Variants in KIF13A observed in about 807,000 individuals in gnomAD.
The protein encoded by KIF13A is kinesin-like protein KIF13A.
Under a neutral mutation model 212.2 loss-of-function variants are expected in KIF13A, and 79 were observed. The ratio of observed to expected loss-of-function variants is 0.37; its 90% CI spans 0.31 to 0.45. The LOEUF (loss-of-function observed/expected upper bound fraction) is 0.45, where lower values mean the gene tolerates loss of function less well. KIF13A is among the 20% of genes least tolerant of loss of function. KIF13A has a pLI of 1.00. For missense variants in KIF13A, 1,901 were observed against 2,209.0 expected (o/e 0.86, Z 2.79); for synonymous variants, 789 against 808.6 (o/e 0.98, Z 0.41).
intron 2 of KIF13A, among the ~76,000 whole-genome samples, chr6:17,948,899 A>G (rs898156844): frequency 6.6e-6 from 1 of 152,104 alleles, no homozygotes; most frequent in African/African-American, 2.4e-5. Context: ...TACTGATAGT[A>G]TAAACAGGTT....
downstream of KIF13A, among the ~76,000 whole-genome samples, chr6:17,761,204 A>G (rs535997780): frequency 6.6e-6 from 1 of 152,284 alleles, no homozygotes; most frequent in African/African-American, 2.4e-5. Flanking sequence ...AACTGTCAAA[A>G]CAACTTATTA....
At chr6:17,975,523 C>T (rs1780313340) in intron 2 of KIF13A, among the ~76,000 whole-genome samples, 1 of 151,928 alleles carries the variant, frequency 6.6e-6, no homozygotes, top group African/African-American at 2.4e-5. Flanking sequence ...GGAGCAGCAA[C>T]ATAATTCATT....
chr6:17,772,781 CTG>C lies in KIF13A; in HGVS notation c.4324+695_4324+696del, dbSNP rs1402097353. ...TCAATAAATATTCAATGAATTAATACTGTGTAAATTTTCTTGCGAGCCTCTTT... is the reference window on the plus strand; with the variant it reads ...TCAATAAATATTCAATGAATTAATACTGTAAATTTTCTTGCGAGCCTCTTT... On this transcript the variant is annotated intron_variant, in intron 36 of 38. Coordinates refer to ENST00000259711, the MANE Select transcript of KIF13A (RefSeq NM_022113.6). This position sits in a 1 kb window ranked among gnomAD's most constrained non-coding sequence, Gnocchi z 4.8. Among the ~76,000 whole-genome samples the C allele has an allele frequency of 2.0e-5, 3 of 150,394 alleles. No individual in the cohort carries two copies. The highest frequency in any genetic ancestry group is 7.3e-5 in the African/African-American group (3 of 41,312).
rs921654696 is a variant in KIF13A at position 17,850,650 on chromosome 6, T to C, written c.583-193A>G. Among the ~76,000 whole-genome samples, 7 of 152,194 alleles carry C rather than the reference T, an allele frequency of 4.6e-5. No homozygotes were observed. Among genetic ancestry groups the C allele is most frequent in the African/African-American group, 1.7e-4 (7 of 41,442 alleles). On this transcript the variant is annotated intron_variant, in intron 7 of 38. Coordinates refer to ENST00000259711, the MANE Select transcript of KIF13A (RefSeq NM_022113.6). The surrounding 1 kb of genome is among the most constrained non-coding windows in gnomAD (Gnocchi z 6.2). ...TCAAGACTTTGTAATGTATGAAATG[T>C]TTCCCTAATTCTTTCCATTTCCCAA...
Position 17,939,650 on chromosome 6 carries a change from G to A in KIF13A, c.147-41470C>T, listed in dbSNP as rs958056659. Among the ~76,000 whole-genome samples the A allele has an allele frequency of 2.6e-5, 4 of 152,266 alleles. No individual in the cohort carries two copies. The East Asian group carries it at 7.7e-4, about 29-fold the overall frequency. On this transcript the variant is annotated intron_variant, in intron 2 of 38. Coordinates refer to ENST00000259711, the MANE Select transcript of KIF13A (RefSeq NM_022113.6). ...ATACCTTGTTGATAAAACAGCATGA[G>A]GTAAAGAAGCGGCTAAAACCTACCA...
At position 17,934,947 on chromosome 6, in the gene KIF13A, T is replaced by G. The variant is rs1776331139; in HGVS notation, c.147-36767A>C. On this transcript the variant is annotated intron_variant, in intron 2 of 38. Transcript: ENST00000259711. The surrounding 1 kb of genome is among the most constrained non-coding windows in gnomAD (Gnocchi z 5.4). ...CCTTGCAGTGAGGCAGATCCTGTAT[T>G]GATTTATTACTGCAATACCTGAAGC... Among the ~76,000 whole-genome samples the G allele has an allele frequency of 6.6e-6, 1 of 152,206 alleles. No homozygotes were observed. Among genetic ancestry groups the G allele is most frequent in the Non-Finnish European group, 1.5e-5 (1 of 68,032 alleles).
chr6:17,762,213 ATTT>A (rs34052352), downstream of KIF13A, among the ~76,000 whole-genome samples: 2 of 138,808 alleles, frequency 1.4e-5, no homozygotes, highest in Non-Finnish European at 1.5e-5. Flanking sequence ...GTGAATTTGA[ATTT>A]TTTTTTTTTT....
At chr6:17,814,865 G>A (rs1363122171) in intron 17 of KIF13A, among the ~76,000 whole-genome samples, 1 of 152,186 alleles carries the variant, frequency 6.6e-6, no homozygotes, top group Non-Finnish European at 1.5e-5. Context: ...TGGGTCTGTG[G>A]ATTTTTCTCC....
chr6:17,881,619 C>A, intron 3 of KIF13A: 1 of 357,354 alleles, frequency 2.8e-6, no homozygotes, highest in Non-Finnish European at 5.5e-6. Context: ...ATCACTTGAA[C>A]TCAGGAAGCG....
At chr6:17,985,910 C>A (rs1260436592) in intron 2 of KIF13A, among the ~76,000 whole-genome samples, 2 of 152,146 alleles carry the variant, frequency 1.3e-5, no homozygotes, top group Non-Finnish European at 2.9e-5. Flanking sequence ...TGTTTGCAAA[C>A]TGGATAAAAA....
rs1303542356 is a variant in KIF13A, at chr6:17,764,782, C to T, written c.4746G>A (p.Leu1582=). 6.2e-7 allele frequency: 1 copy of T among 1,613,000 alleles called. No individual in the cohort carries two copies. The highest frequency in any genetic ancestry group is 1.7e-5 in the Admixed American group (1 of 59,846). The change falls in exon 39 of 39, where the codon TTG becomes TTA. Residue 1582 remains leucine (L), a synonymous_variant. Transcript: ENST00000259711. This position sits in a 1 kb window ranked among gnomAD's most constrained non-coding sequence, Gnocchi z 5.1. ...SKVDLSNSRV[L]EKEVSRSPTT... ...TAGGGCTACGGGACACTTCTTTCTCCAAGACCCGTGAGTTTGACAGATCTA... is the reference window on the plus strand; with the variant it reads ...TAGGGCTACGGGACACTTCTTTCTCTAAGACCCGTGAGTTTGACAGATCTA...
rs1767510740 is a variant in KIF13A, at chr6:17,850,270, A to G, written c.717+53T>C. The G allele has an allele frequency of 6.5e-7, 1 of 1,540,234 alleles. No individual in the cohort carries two copies. Among genetic ancestry groups the G allele is most frequent in the Admixed American group, 1.9e-5 (1 of 52,084 alleles). On this transcript the variant is annotated intron_variant, in intron 8 of 38. Coordinates refer to ENST00000259711, the MANE Select transcript of KIF13A (RefSeq NM_022113.6). The surrounding 1 kb of genome is among the most constrained non-coding windows in gnomAD (Gnocchi z 6.2). ...ACCATGAAAGACTTTACCTATATGG[A>G]CACTTTCAGTTCTTCCACCCCCACT...
intron 2 of KIF13A, among the ~76,000 whole-genome samples, chr6:17,979,159 G>A (rs1018530030): frequency 4.6e-5 from 7 of 152,110 alleles, no homozygotes; most frequent in African/African-American, 1.7e-4. Flanking sequence ...CAGGCGTGGT[G>A]GTGCACACCT....
Position 17,968,015 on chromosome 6 carries a change from T to C in KIF13A, c.146+19039A>G, listed in dbSNP as rs969876475. Among the ~76,000 whole-genome samples the C allele has an allele frequency of 6.6e-6, 1 of 152,182 alleles. No homozygotes were observed. Among genetic ancestry groups the C allele is most frequent in the African/African-American group, 2.4e-5 (1 of 41,448 alleles). On this transcript the variant is annotated intron_variant, in intron 2 of 38. Coordinates refer to ENST00000259711, the MANE Select transcript of KIF13A (RefSeq NM_022113.6). The surrounding 1 kb of genome is among the most constrained non-coding windows in gnomAD (Gnocchi z 4.7). ...TGACTTCCATTCCAATGTACATTCT[T>C]GGACGGCATACTGAGAATTGCCCAC... is the stretch of plus-strand genomic sequence containing the variant.
chr6:17,895,533 T>C lies in KIF13A; in HGVS notation c.159+2635A>G, dbSNP rs1772486907. On this transcript the variant is annotated intron_variant, in intron 3 of 38. Transcript: ENST00000259711. This position sits in a 1 kb window ranked among gnomAD's most constrained non-coding sequence, Gnocchi z 4.4. Reference sequence around the variant, plus strand: ...CATGTGATGGCTGGTTTACCTCTGTTTCACCTTCATACCCTACCCCTGGCT... The same window carrying C: ...CATGTGATGGCTGGTTTACCTCTGTCTCACCTTCATACCCTACCCCTGGCT... Among the ~76,000 whole-genome samples the C allele has an allele frequency of 6.6e-6, 1 of 152,160 alleles. No homozygotes were observed.
At chr6:17,803,302 A>G (rs544029320) in intron 20 of KIF13A, among the ~76,000 whole-genome samples, 2 of 152,180 alleles carry the variant, frequency 1.3e-5, no homozygotes, top group Admixed American at 1.3e-4. Flanking sequence ...GGCTGGTTTC[A>G]GACTCCTAAC....
In KIF13A at chr6:17,777,001, C is replaced by T. The variant is rs1002768939; in HGVS notation, c.4170+276G>A. On this transcript the variant is annotated intron_variant, in intron 34 of 38. Coordinates refer to ENST00000259711, the MANE Select transcript of KIF13A (RefSeq NM_022113.6). The surrounding 1 kb of genome is among the most constrained non-coding windows in gnomAD (Gnocchi z 4.4). ...CGGGTGCAAGTATTCATAGCTGACT[C>T]CACCATCTGTAACCAACTAAACTCA... Among the ~76,000 whole-genome samples, 43 of 152,170 alleles carry T rather than the reference C, an allele frequency of 2.8e-4. No homozygotes were observed. The highest frequency in any genetic ancestry group is 7.3e-5 in the Non-Finnish European group (5 of 68,042).
At chr6:17,943,547 C>T (rs2150559114) in intron 2 of KIF13A, among the ~76,000 whole-genome samples, 1 of 152,014 alleles carries the variant, frequency 6.6e-6, no homozygotes, top group East Asian at 1.9e-4. Flanking sequence ...CGCACCCAGC[C>T]AAGTTTCTGA....
chr6:17,805,181 T>C (rs1762833554), intron 19 of KIF13A, among the ~76,000 whole-genome samples: 1 of 152,238 alleles, frequency 6.6e-6, no homozygotes, highest in South Asian at 2.1e-4. Context: ...ATTTACTTCA[T>C]TCTACTTCTT....
Sources: gnomAD v4.1 joint callset for allele counts (sites outside exome capture counted in the v4.1 genomes callset) on GRCh38, gnomAD v4.1.1 for gene constraint, Gnocchi (gnomAD v3.1) non-coding constraint, MANE v1.5 for transcripts, NCBI Gene and HGNC (gene_info 2026-07-23, HGNC 2026-07-21) for gene names.